Variants in ITGB3 observed in about 807,000 individuals in gnomAD.
ITGB3 encodes integrin beta-3.
A neutral mutation model predicts 85.8 loss-of-function variants in ITGB3; 48 were observed. The observed-to-expected ratio is 0.56, with a 90% CI of 0.44 to 0.71. ITGB3 has a LOEUF of 0.71. Among genes scored for constraint, ITGB3 ranks in the 30% least tolerant of loss-of-function variants. The pLI, the probability that ITGB3 is intolerant of heterozygous loss-of-function variation, is 0.00. For synonymous variants in ITGB3, 363 were observed against 395.6 expected (o/e 0.92, Z 0.98); for missense variants, 861 against 1,019.1 (o/e 0.84, Z 2.11).
chr17:47,271,744 CTTAT>C (rs368761773), intron 1 of ITGB3, among the ~76,000 whole-genome samples: 505 of 152,156 alleles, frequency 3.3e-3, no homozygotes, highest in African/African-American at 0.012. Context: ...ACAGCAAACA[CTTAT>C]TTATTTATTT....
Position 47,286,249 on chromosome 17 carries a change from T to A in ITGB3, c.615-11T>A, listed in dbSNP as rs780605530. The A allele has an allele frequency of 1.9e-6, 3 of 1,613,900 alleles. No individual in the cohort carries two copies. The highest frequency in any genetic ancestry group is 2.5e-6 in the Non-Finnish European group (3 of 1,179,982). On this transcript the variant is annotated splice_polypyrimidine_tract_variant and intron_variant, in intron 4 of 14. Transcript: ENST00000559488. ...AGGTGTCTGCTTAAATTATCTCCCA[T>A]CCCTCCCCAGTATGAAGACCACCTG...
chr17:47,259,577 A>T (rs548327529), intron 1 of ITGB3, among the ~76,000 whole-genome samples: 4 of 152,312 alleles, frequency 2.6e-5, no homozygotes, highest in Admixed American at 2.6e-4. Flanking sequence ...AAGGTGATAC[A>T]CATTTTAAAA....
chr17:47,290,125 G>A, intron 7 of ITGB3, 60 bp from the exon 8 acceptor site: 1 of 1,287,460 alleles, frequency 7.8e-7, no homozygotes, highest in Non-Finnish European at 1.1e-6. Context: ...TTTGGGGAGG[G>A]CTTTTGGAGA....
Position 47,302,785 on chromosome 17 carries a change from C to G in ITGB3, c.2079C>G (p.Phe693Leu). The change falls in exon 13 of 15, where the codon TTC becomes TTG. Residue 693 changes from phenylalanine to leucine, a missense_variant. Transcript: ENST00000559488. ...YKNEDDCVVR[F>L]QYYEDSSGKS... ...ATGAGGATGACTGTGTCGTCAGATTCCAGTACTATGAAGATTCTAGTGGAA... is the reference window on the plus strand; with the variant it reads ...ATGAGGATGACTGTGTCGTCAGATTGCAGTACTATGAAGATTCTAGTGGAA... 8.7e-6 allele frequency: 14 copies of G among 1,614,022 alleles called. No individual in the cohort carries two copies. Among genetic ancestry groups the G allele is most frequent in the Non-Finnish European group, 1.2e-5 (14 of 1,179,918 alleles).
chr17:47,303,477 T>C (rs2065175155), intron 13 of ITGB3: 1 of 153,050 alleles, frequency 6.5e-6, no homozygotes, highest in African/African-American at 2.4e-5. Context: ...AAATAAAGAA[T>C]TTAAATTTTA....
In ITGB3 at chr17:47,288,502, G is replaced by C. The variant is rs1035222088; in HGVS notation, c.940-1179G>C. 2.0e-5 allele frequency among the ~76,000 whole-genome samples: 3 copies of C among 152,250 alleles called. No homozygotes were observed. The South Asian group carries it at 6.2e-4, about 32-fold the overall frequency. On this transcript the variant is annotated intron_variant, in intron 6 of 14. Coordinates refer to ENST00000559488, the MANE Select transcript of ITGB3 (RefSeq NM_000212.3). ...TATCTGGGGCAGGTGTGAACTCTTC[G>C]TCTCCTAAGGACAATATAGCAACTT...
chr17:47,286,983 G>A (rs1185701969), intron 5 of ITGB3, 87 bp from the exon 6 acceptor site: 5 of 1,396,592 alleles, frequency 3.6e-6, no homozygotes, highest in Non-Finnish European at 5.0e-6. Flanking sequence ...TTTAGCCAGG[G>A]AGCACCTTGG....
chr17:47,288,206 A>AATTCTG (rs2065110699), intron 6 of ITGB3, among the ~76,000 whole-genome samples: 1 of 134,828 alleles, frequency 7.4e-6, no homozygotes, highest in Non-Finnish European at 1.6e-5. Context: ...TTCTCTTAGA[A>AATTCTG]AGAGAGAGAG....
chr17:47,302,852 C>T lies in ITGB3; in HGVS notation c.2134+12C>T, dbSNP rs543538919. On this transcript the variant is annotated intron_variant, in intron 13 of 14. Coordinates refer to ENST00000559488, the MANE Select transcript of ITGB3 (RefSeq NM_000212.3). ...GGTAGAAGAGCCAGGTGAGTGAACC[C>T]TGACGGCTCCCGGCCCTGCCCCAGG... 7 of 1,614,108 alleles carry T rather than the reference C, an allele frequency of 4.3e-6. No individual in the cohort carries two copies. In the African/African-American group the frequency reaches 5.3e-5, roughly 12 times the overall value.
At chr17:47,291,494 T>A (rs2065125475) in intron 9 of ITGB3, 1 of 366,496 alleles carries the variant, frequency 2.7e-6, no homozygotes, top group African/African-American at 2.1e-5. Context: ...AACACTCCAG[T>A]CTCTCCACGA....
chr17:47,285,437 C>T (rs1441107525), intron 4 of ITGB3, among the ~76,000 whole-genome samples: 1 of 152,082 alleles, frequency 6.6e-6, no homozygotes, highest in African/African-American at 2.4e-5. Context: ...CATAGTGAGA[C>T]CCCCATCTCT....
chr17:47,283,540 C>T lies in ITGB3; in HGVS notation c.352C>T (p.Leu118Phe). 6.2e-7 allele frequency: 1 copy of T among 1,614,190 alleles called. No homozygotes were observed. The highest frequency in any genetic ancestry group is 8.5e-7 in the Non-Finnish European group (1 of 1,180,030). Residue 118 changes from leucine to phenylalanine, a missense_variant, in exon 3 of 15, where the codon CTC becomes TTC. Coordinates refer to ENST00000559488, the MANE Select transcript of ITGB3 (RefSeq NM_000212.3). Reference protein sequence around the residue: ...QVSPQRIALRLRPDDSKNFSI... With the variant: ...QVSPQRIALRFRPDDSKNFSI... Reference sequence around the variant, plus strand: ...CAGTCCCCAGAGGATTGCACTCCGGCTCCGGCCAGGTAGGGCTGGGACTCT... The same window carrying T: ...CAGTCCCCAGAGGATTGCACTCCGGTTCCGGCCAGGTAGGGCTGGGACTCT...
chr17:47,310,168 G>A lies in ITGB3; in HGVS notation c.2331G>A (p.Thr777=), dbSNP rs566831897. 1.7e-5 allele frequency: 27 copies of A among 1,614,022 alleles called. No homozygotes were observed. Among genetic ancestry groups the A allele is most frequent in the African/African-American group, 6.7e-5 (5 of 75,000 alleles). Residue 777 remains threonine (T), a synonymous_variant, in exon 15 of 15, where the codon ACG becomes ACA. Coordinates refer to ENST00000559488, the MANE Select transcript of ITGB3 (RefSeq NM_000212.3). Reference sequence around the variant, plus strand: ...ACAACCCACTGTATAAAGAGGCCACGTCTACCTTCACCAATATCACGTACC... The same window carrying A: ...ACAACCCACTGTATAAAGAGGCCACATCTACCTTCACCAATATCACGTACC... ...TANNPLYKEA[T]STFTNITYRG...
In ITGB3 at chr17:47,300,492, G is replaced by A; in HGVS notation, c.1928G>A (p.Cys643Tyr). 1.9e-6 allele frequency: 3 copies of A among 1,613,778 alleles called. No homozygotes were observed. Among genetic ancestry groups the A allele is most frequent in the South Asian group, 2.2e-5 (2 of 91,076 alleles). ...ACTFKKECVECKKFDRGALHD... is the reference protein window; with the variant it reads ...ACTFKKECVEYKKFDRGALHD... Reference sequence around the variant, plus strand: ...CTCTCCTTCAGAGAATGTGTGGAGTGTAAGAAGTTTGACCGGGGAGCCCTA... The same window carrying A: ...CTCTCCTTCAGAGAATGTGTGGAGTATAAGAAGTTTGACCGGGGAGCCCTA... Residue 643 changes from cysteine (C) to tyrosine (Y), a missense_variant, in exon 12 of 15, where the codon TGT becomes TAT. Transcript: ENST00000559488.
In ITGB3 at chr17:47,291,942, C is replaced by T. The variant is rs551611552; in HGVS notation, c.1261-197C>T. 2.1e-3 allele frequency among the ~76,000 whole-genome samples: 314 copies of T among 152,344 alleles called. 1 individual carries two copies. The highest frequency in any genetic ancestry group is 3.5e-3 in the Non-Finnish European group (236 of 68,034). ...CTGCATCCAGCTAGATATGTCACAA[C>T]GATACTATTCCCGTGCTTGTGTTTT... On this transcript the variant is annotated intron_variant, in intron 9 of 14. Coordinates refer to ENST00000559488, the MANE Select transcript of ITGB3 (RefSeq NM_000212.3).
intron 13 of ITGB3, among the ~76,000 whole-genome samples, chr17:47,304,821 T>A (rs1181513768): frequency 2.0e-5 from 3 of 152,154 alleles, no homozygotes; most frequent in Admixed American, 6.6e-5. Context: ...TTGGCCAGGC[T>A]GGTCTTGAAC....
intron 10 of ITGB3, 22 bp downstream of exon 10, chr17:47,292,590 C>T (rs1008414807): frequency 6.3e-7 from 1 of 1,599,404 alleles, no homozygotes; most frequent in Admixed American, 1.7e-5. Context: ...TGCAGGGCCC[C>T]CTGTCCTGGA....
At chr17:47,255,041 G>C (rs2064983706) in intron 1 of ITGB3, among the ~76,000 whole-genome samples, 1 of 151,994 alleles carries the variant, frequency 6.6e-6, no homozygotes, top group East Asian at 1.9e-4. Flanking sequence ...TGCAGTGGTG[G>C]GTTCTCGGCT....
chr17:47,288,206 AAGAG>A (rs200536313), intron 6 of ITGB3, among the ~76,000 whole-genome samples: 4,544 of 134,716 alleles, frequency 0.034, 89 homozygotes, highest in African/African-American at 0.068. Flanking sequence ...TTCTCTTAGA[AAGAG>A]AGAGAGAGAG....
Sources: gnomAD v4.1 joint callset for allele counts (sites outside exome capture counted in the v4.1 genomes callset) on GRCh38, gnomAD v4.1.1 for gene constraint, MANE v1.5 for transcripts, NCBI Gene and HGNC (gene_info 2026-07-23, HGNC 2026-07-21) for gene names.